AKAP6: variants seen among roughly 807,000 people sequenced by gnomAD.
AKAP6 encodes the protein A-kinase anchoring protein 6.
AKAP6 carries 58 observed loss-of-function variants against 188.5 expected under a neutral mutation model. The observed-to-expected ratio is 0.31, with a 90% CI of 0.25 to 0.38. The LOEUF is 0.38. AKAP6 is among the 10% of genes least tolerant of loss of function. The probability of loss-of-function intolerance (pLI) is 1.00; values close to 1 mark genes in which losing one functional copy is unlikely to be tolerated. For missense variants in AKAP6, 2,710 were observed against 2,740.0 expected, an observed-to-expected ratio of 0.99 and a Z score of 0.24; for synonymous variants, 989 against 998.6, an observed-to-expected ratio of 0.99 and a Z score of 0.18.
chr14:32,637,003 T>C (rs1887523024), intron 7 of AKAP6, among the ~76,000 whole-genome samples: 1 of 152,000 alleles, frequency 6.6e-6, no homozygotes, highest in Non-Finnish European at 1.5e-5. Context: ...GCTGACAATA[T>C]AGAGAAGACA....
chr14:32,615,785 G>T (rs1335600182), intron 7 of AKAP6, among the ~76,000 whole-genome samples: 1 of 151,732 alleles, frequency 6.6e-6, no homozygotes, highest in African/African-American at 2.4e-5. Flanking sequence ...TTAGAGAGAC[G>T]GGGTTTCACC....
At chr14:32,787,265 T>A (rs2033451860) in intron 12 of AKAP6, among the ~76,000 whole-genome samples, 1 of 152,250 alleles carries the variant, frequency 6.6e-6, no homozygotes, top group South Asian at 2.1e-4. Flanking sequence ...ATCTTATTAT[T>A]TGGTGATGCA....
At chr14:32,729,761 G>A (rs2031080878) in intron 9 of AKAP6, among the ~76,000 whole-genome samples, 1 of 152,096 alleles carries the variant, frequency 6.6e-6, no homozygotes, top group Non-Finnish European at 1.5e-5. Flanking sequence ...AATACTGGAT[G>A]CTTATTTACC....
In AKAP6 at chr14:32,545,395, G is replaced by A; in HGVS notation, c.742G>A (p.Val248Ile). The A allele has an allele frequency of 6.2e-7, 1 of 1,614,206 alleles. No homozygotes were observed. Among genetic ancestry groups the A allele is most frequent in the Non-Finnish European group, 8.5e-7 (1 of 1,180,016 alleles). ...SGLGDMTSSQ[V>I]KTKPFDSWSY... ...GCTAGGTGACATGACCTCTAGCCAA[G>A]TCAAAACCAAACCCTTTGACTCTTG... The change falls in exon 4 of 14, where the codon GTC (valine) becomes ATC (isoleucine). Residue 248 changes from valine to isoleucine, a missense_variant. Physicochemically the swap from Val to Ile is conservative, Grantham distance 29. Transcript: ENST00000280979.
intron 12 of AKAP6, among the ~76,000 whole-genome samples, chr14:32,792,654 T>C (rs775747051): frequency 6.6e-5 from 10 of 152,210 alleles, no homozygotes; most frequent in Non-Finnish European, 1.5e-4. Context: ...TCCAATACTA[T>C]GTTGAATAGG....
At chr14:32,416,664 C>T (rs561063494) in intron 1 of AKAP6, among the ~76,000 whole-genome samples, 6 of 152,104 alleles carry the variant, frequency 3.9e-5, no homozygotes, top group Non-Finnish European at 8.8e-5. Flanking sequence ...AAGTGATTCT[C>T]CTGCCTCAGC....
At chr14:32,699,181 T>C (rs998691615) in intron 9 of AKAP6, among the ~76,000 whole-genome samples, 3 of 152,124 alleles carry the variant, frequency 2.0e-5, no homozygotes, top group Non-Finnish European at 4.4e-5. Context: ...TACCTATATA[T>C]TTTTATATCC....
At chr14:32,738,521 G>A (rs1206093756) in intron 11 of AKAP6, among the ~76,000 whole-genome samples, 1 of 152,072 alleles carries the variant, frequency 6.6e-6, no homozygotes, top group African/African-American at 2.4e-5. Flanking sequence ...GCACTTTTAT[G>A]CATATTGTTA....
At chr14:32,760,060 G>A (rs990883029) in intron 11 of AKAP6, among the ~76,000 whole-genome samples, 1 of 152,242 alleles carries the variant, frequency 6.6e-6, no homozygotes, top group African/African-American at 2.4e-5. Context: ...GTTATTTGGA[G>A]TTAGACTTTG....
At chr14:32,429,195 G>C (rs1041370756) in intron 1 of AKAP6, among the ~76,000 whole-genome samples, 2 of 152,160 alleles carry the variant, frequency 1.3e-5, no homozygotes, top group African/African-American at 4.8e-5. Context: ...AGAACTTGTA[G>C]TCTAAGCTTT....
intron 4 of AKAP6, among the ~76,000 whole-genome samples, chr14:32,557,377 AG>A: frequency 1.3e-5 from 2 of 152,322 alleles, no homozygotes; most frequent in South Asian, 4.1e-4. Context: ...GATTATGGAC[AG>A]GAGCCGCCGC....
At chr14:32,510,449 T>TATAC (rs1325423492) in intron 2 of AKAP6, among the ~76,000 whole-genome samples, 1 of 21,502 alleles carries the variant, frequency 4.7e-5, no homozygotes, top group African/African-American at 2.2e-4. Flanking sequence ...TATATATATA[T>TATAC]ACATATATAT....
At chr14:32,397,051 A>G (rs1481820676) in intron 1 of AKAP6, among the ~76,000 whole-genome samples, 1 of 152,222 alleles carries the variant, frequency 6.6e-6, no homozygotes, top group East Asian at 1.9e-4. Flanking sequence ...TCCTTAGACC[A>G]GTGCTTATTG....
At chr14:32,386,075 A>C (rs1316289052) in intron 1 of AKAP6, among the ~76,000 whole-genome samples, 10 of 151,608 alleles carry the variant, frequency 6.6e-5, no homozygotes, top group African/African-American at 2.4e-4. Flanking sequence ...CGTTTCTGCA[A>C]AGTATCATTT....
At chr14:32,644,454 G>T (rs1178902402) in intron 7 of AKAP6, among the ~76,000 whole-genome samples, 1 of 152,108 alleles carries the variant, frequency 6.6e-6, no homozygotes, top group Non-Finnish European at 1.5e-5. Context: ...ACATGGTGCT[G>T]GTTTCTTGAG....
chr14:32,498,740 T>C (rs898406322), intron 2 of AKAP6, among the ~76,000 whole-genome samples: 4 of 152,046 alleles, frequency 2.6e-5, no homozygotes, highest in African/African-American at 9.7e-5. Flanking sequence ...ACTCAAGATA[T>C]CATGTGGCAG....
intron 1 of AKAP6, among the ~76,000 whole-genome samples, chr14:32,427,902 AT>A (rs1378370419): frequency 6.6e-6 from 1 of 152,244 alleles, no homozygotes; most frequent in African/African-American, 2.4e-5. Context: ...ACATCTGTTA[AT>A]TTGACTAGAA....
intron 11 of AKAP6, among the ~76,000 whole-genome samples, chr14:32,748,120 A>T (rs1251650397): frequency 1.3e-5 from 2 of 152,218 alleles, no homozygotes; most frequent in African/African-American, 4.8e-5. Context: ...CTTAAATGTA[A>T]CTTTCTTTGT....
At chr14:32,689,355 T>C (rs1050740167) in intron 8 of AKAP6, among the ~76,000 whole-genome samples, 2 of 152,284 alleles carry the variant, frequency 1.3e-5, no homozygotes, top group Admixed American at 1.3e-4. Context: ...TAATAGGTGT[T>C]GGTGGACAGA....
Sources: gnomAD v4.1 joint callset for allele counts (sites outside exome capture counted in the v4.1 genomes callset) on GRCh38, gnomAD v4.1.1 for gene constraint, MANE v1.5 for transcripts, NCBI Gene and HGNC (gene_info 2026-07-23, HGNC 2026-07-21) for gene names.